Variants in RGS12 observed in about 807,000 individuals in gnomAD.
The protein encoded by RGS12 is regulator of G protein signaling 12.
In RGS12, 66 loss-of-function variants were observed where a neutral mutation model predicts 120.1. The ratio of observed to expected loss-of-function variants is 0.55; its 90% CI spans 0.45 to 0.67. RGS12 has a LOEUF of 0.67. RGS12 is among the 30% of genes least tolerant of loss of function. The pLI, the probability that RGS12 is intolerant of heterozygous loss-of-function variation, is 0.00. For missense variants in RGS12, 1,859 were observed against 1,957.7 expected, an observed-to-expected ratio of 0.95 and a Z score of 0.95; for synonymous variants, 827 against 804.7, an observed-to-expected ratio of 1.03 and a Z score of -0.47.
chr4:3,411,767 TG>T (rs34187907), intron 4 of RGS12, among the ~76,000 whole-genome samples: 2 of 152,216 alleles, frequency 1.3e-5, no homozygotes, highest in Non-Finnish European at 2.9e-5. Context: ...ACTTGCCACA[TG>T]GGGGGGAGTC....
intron 4 of RGS12, chr4:3,413,609 C>T (rs62274930): frequency 0.27 from 41,467 of 156,040 alleles, 5,843 homozygotes; most frequent in East Asian, 0.47. Context: ...CGCGGCGCCC[C>T]GCGCCCAGCT....
At position 3,439,591 on chromosome 4, in the gene RGS12, T is replaced by C; in HGVS notation, c.4251T>C (p.Gly1417=). ...GCCCTGGGAGGTCGCAGGCCAGTGG[T>C]GGGCCTCCTACATCAGACCTCCCTG... ...QAGPGRSQAS[G]GPPTSDLPGL... Residue 1417 remains glycine, a synonymous_variant, in exon 18 of 18, where the codon GGT becomes GGC. Transcript: ENST00000336727. 1 of 1,610,454 alleles carries C rather than the reference T, an allele frequency of 6.2e-7. No individual in the cohort carries two copies. The highest frequency in any genetic ancestry group is 1.1e-5 in the South Asian group (1 of 90,816).
chr4:3,287,676 T>C, the RGS12 span, among the ~76,000 whole-genome samples: 1 of 152,280 alleles, frequency 6.6e-6, no homozygotes, highest in Non-Finnish European at 1.5e-5. Context: ...TTAGTAACAA[T>C]ATGCTCTATT....
chr4:3,331,821 C>T (rs1012877507), intron 2 of RGS12, among the ~76,000 whole-genome samples: 57 of 152,300 alleles, frequency 3.7e-4, no homozygotes, highest in Non-Finnish European at 7.6e-4. Flanking sequence ...TGGGAAGGAA[C>T]GGCGGCTCCA....
chr4:3,292,359 G>A (rs1405851166), upstream of RGS12, among the ~76,000 whole-genome samples: 2 of 152,162 alleles, frequency 1.3e-5, no homozygotes, highest in Admixed American at 6.5e-5. Flanking sequence ...GGGCAGACCC[G>A]CTGGACGCCG....
Position 3,439,476 on chromosome 4 carries a change from G to A in RGS12, c.4136G>A (p.Arg1379Gln), listed in dbSNP as rs778685762. ...SRPGSGTHGS[R>Q]DLPVNRIIDV... Reference sequence around the variant, plus strand: ...ACAGGAAGTGGGACCCATGGCAGCCGAGACCTCCCAGTCAACAGAATCATC... The same window carrying A: ...ACAGGAAGTGGGACCCATGGCAGCCAAGACCTCCCAGTCAACAGAATCATC... Residue 1379 changes from arginine (R) to glutamine (Q), a missense_variant, in exon 18 of 18, where the codon CGA becomes CAA. Coordinates refer to ENST00000336727, the MANE Select transcript of RGS12 (RefSeq NM_001394154.1). 1.2e-5 allele frequency: 20 copies of A among 1,612,712 alleles called. No homozygotes were observed. Among genetic ancestry groups the A allele is most frequent in the African/African-American group, 1.2e-4 (9 of 74,922 alleles).
At chr4:3,416,828 C>A in intron 7 of RGS12, 85 bp from the exon 8 acceptor site, 4 of 1,279,712 alleles carry the variant, frequency 3.1e-6, no homozygotes, top group Non-Finnish European at 4.4e-6. Context: ...CCAGTGGTTG[C>A]CTACAGGTCG....
chr4:3,316,965 G>C lies in RGS12; in HGVS notation c.795G>C (p.Glu265Asp). The change falls in exon 2 of 18, where the codon GAG becomes GAC. Residue 265 changes from glutamate (E) to aspartate (D), a missense_variant. Around this residue, in one of 3 missense-constraint regions of RGS12, gnomAD observed 967 missense variants for 994.2 expected, o/e 0.97. Coordinates refer to ENST00000336727, the MANE Select transcript of RGS12 (RefSeq NM_001394154.1). ...GCTGCATGCGGCGCCTGCGGGCAGA[G>C]CAGAAAATCCACTCGCTGGTGACCA... ...IRGCMRRLRA[E>D]QKIHSLVTMK... 6.2e-7 allele frequency: 1 copy of C among 1,613,922 alleles called. No homozygotes were observed. The highest frequency in any genetic ancestry group is 8.5e-7 in the Non-Finnish European group (1 of 1,180,034).
At chr4:3,313,556 A>G (rs917980590) in intron 1 of RGS12, among the ~76,000 whole-genome samples, 4 of 152,168 alleles carry the variant, frequency 2.6e-5, no homozygotes, top group Non-Finnish European at 4.4e-5. Flanking sequence ...GCTTAAGACA[A>G]CACACATTCA....
chr4:3,383,698 G>C (rs1351930748), intron 3 of RGS12, among the ~76,000 whole-genome samples: 1 of 152,168 alleles, frequency 6.6e-6, no homozygotes. Context: ...TTTTAAAACA[G>C]CTCTACACTT....
intron 2 of RGS12, among the ~76,000 whole-genome samples, chr4:3,327,528 C>T (rs1191264393): frequency 6.6e-6 from 1 of 152,114 alleles, no homozygotes; most frequent in African/African-American, 2.4e-5. Context: ...AAAATATGCA[C>T]CTGACAAGGG....
chr4:3,400,393 C>G (rs1720460159), intron 4 of RGS12, among the ~76,000 whole-genome samples: 1 of 152,162 alleles, frequency 6.6e-6, no homozygotes, highest in Non-Finnish European at 1.5e-5. Flanking sequence ...GTGGGGCTCT[C>G]ACTTTTCTTC....
At chr4:3,393,798 T>C (rs1719761079) in intron 4 of RGS12, among the ~76,000 whole-genome samples, 1 of 152,176 alleles carries the variant, frequency 6.6e-6, no homozygotes, top group Non-Finnish European at 1.5e-5. Flanking sequence ...TCACCTTACT[T>C]GTGGGATGTG....
intron 4 of RGS12, among the ~76,000 whole-genome samples, chr4:3,396,092 AT>A (rs1720023663): frequency 6.6e-6 from 1 of 151,360 alleles, no homozygotes; most frequent in Non-Finnish European, 1.5e-5. Context: ...TTTTCCATTA[AT>A]TTTTTTTCCA....
intron 2 of RGS12, among the ~76,000 whole-genome samples, chr4:3,334,709 A>G (rs1712256938): frequency 6.6e-6 from 1 of 152,010 alleles, no homozygotes; most frequent in Admixed American, 6.6e-5. Flanking sequence ...TGTTTTGTCT[A>G]TTATTAATCT....
chr4:3,386,209 T>C, intron 3 of RGS12: 1 of 605,038 alleles, frequency 1.7e-6, no homozygotes, highest in Admixed American at 3.0e-5. Context: ...TGACTTCCTC[T>C]TGTTGGGTGT....
chr4:3,367,961 T>C (rs889529457), intron 3 of RGS12, among the ~76,000 whole-genome samples: 1 of 152,274 alleles, frequency 6.6e-6, no homozygotes, highest in African/African-American at 2.4e-5. Context: ...TGTTTCTTCC[T>C]TTCCGTCCTC....
In RGS12 at chr4:3,422,234, C is replaced by T. The variant is rs1723092243; in HGVS notation, c.2839-142C>T. ...GTGGACTGAGCCTGAGATGTGTGCA[C>T]CTGGGGAGCTGCAGGTGGGACCGTG... On this transcript the variant is annotated intron_variant, in intron 10 of 17. Transcript: ENST00000336727. The T allele has an allele frequency of 4.3e-6, 3 of 705,244 alleles. No individual in the cohort carries two copies. In the South Asian group the frequency reaches 5.5e-5, roughly 13 times the overall value. The allele number at this position is 705,244 out of a possible 1,614,324, so 43.7% of individuals were successfully genotyped here. A position where few individuals can be genotyped will look rare whatever the true frequency, so the allele number is the denominator to read the frequency against.
chr4:3,385,181 C>A (rs1430953927), intron 3 of RGS12: 1 of 152,278 alleles, frequency 6.6e-6, no homozygotes, highest in South Asian at 2.1e-4. Context: ...CCAGGAGGTA[C>A]CAGGTTGCCC....
Sources: gnomAD v4.1 joint callset for allele counts (sites outside exome capture counted in the v4.1 genomes callset) on GRCh38, gnomAD v4.1.1 for gene constraint, gnomAD v4.1.1 regional missense constraint, MANE v1.5 for transcripts, NCBI Gene and HGNC (gene_info 2026-07-23, HGNC 2026-07-21) for gene names.